CADPS: variants seen among roughly 807,000 people sequenced by gnomAD.
The protein encoded by CADPS is calcium-dependent secretion activator 1.
CADPS carries 57 observed loss-of-function variants against 167.3 expected under a neutral mutation model. The observed-to-expected ratio is 0.34, with a 90% CI of 0.28 to 0.42. The LOEUF (loss-of-function observed/expected upper bound fraction) is 0.42, where lower values mean the gene tolerates loss of function less well. Among genes scored for constraint, CADPS ranks in the 20% least tolerant of loss-of-function variants. CADPS has a pLI of 1.00. For synonymous variants in CADPS, 676 were observed against 635.3 expected (o/e 1.06, Z -0.96); for missense variants, 1,414 against 1,738.1 (o/e 0.81, Z 3.32).
intron 1 of CADPS, among the ~76,000 whole-genome samples, chr3:62,840,629 G>A (rs1167428979): frequency 2.6e-5 from 4 of 152,110 alleles, no homozygotes; most frequent in Non-Finnish European, 1.5e-5. Context: ...ACTTTCATAT[G>A]TACAGATGGG....
chr3:62,479,832 A>T (rs1214236932), intron 22 of CADPS, among the ~76,000 whole-genome samples: 1 of 152,212 alleles, frequency 6.6e-6, no homozygotes, highest in African/African-American at 2.4e-5. Flanking sequence ...AGCATTGTTC[A>T]AAAGTGGGGG....
At chr3:62,624,008 T>C (rs992292691) in intron 6 of CADPS, among the ~76,000 whole-genome samples, 1 of 151,994 alleles carries the variant, frequency 6.6e-6, no homozygotes, top group African/African-American at 2.4e-5. Context: ...TAGTTATAGA[T>C]TTCTTTCTTC....
intron 3 of CADPS, among the ~76,000 whole-genome samples, chr3:62,751,334 C>T (rs1224389060): frequency 6.6e-6 from 1 of 152,026 alleles, no homozygotes; most frequent in Non-Finnish European, 1.5e-5. Context: ...TGTTCTTTTG[C>T]CCTAATTTCT....
At chr3:62,547,424 C>A (rs1419966749) in intron 11 of CADPS, among the ~76,000 whole-genome samples, 2 of 152,074 alleles carry the variant, frequency 1.3e-5, no homozygotes, top group African/African-American at 4.8e-5. Context: ...GGGCCTCATG[C>A]TCTCTGAAGA....
At chr3:62,403,514 A>G (rs1707196936) in intron 28 of CADPS, 1 of 175,094 alleles carries the variant, frequency 5.7e-6, no homozygotes, top group South Asian at 1.7e-4. Flanking sequence ...TTAATTTTAC[A>G]CCATTTATAT....
chr3:62,452,258 A>G (rs1456695972), intron 26 of CADPS, among the ~76,000 whole-genome samples: 1 of 152,178 alleles, frequency 6.6e-6, no homozygotes, highest in Non-Finnish European at 1.5e-5. Context: ...TTTCTGCTGG[A>G]AAGTCAGGTT....
intron 17 of CADPS, among the ~76,000 whole-genome samples, chr3:62,505,395 GT>G (rs569924821): frequency 3.0e-4 from 45 of 152,204 alleles, no homozygotes; most frequent in African/African-American, 1.1e-3. Context: ...AAGGACTTAG[GT>G]GGTATAGCTT....
At chr3:62,713,395 C>T (rs2083789361) in intron 3 of CADPS, among the ~76,000 whole-genome samples, 1 of 152,198 alleles carries the variant, frequency 6.6e-6, no homozygotes, top group Non-Finnish European at 1.5e-5. Flanking sequence ...ATAAGACATG[C>T]CCACCAAGGC....
chr3:62,624,468 C>G (rs180792746), intron 6 of CADPS, among the ~76,000 whole-genome samples: 41 of 151,924 alleles, frequency 2.7e-4, no homozygotes, highest in Non-Finnish European at 5.0e-4. Flanking sequence ...TTGCAAAGAA[C>G]CATTTAAACT....
intron 3 of CADPS, among the ~76,000 whole-genome samples, chr3:62,665,523 T>G (rs1464270679): frequency 6.6e-6 from 1 of 152,236 alleles, no homozygotes; most frequent in Non-Finnish European, 1.5e-5. Context: ...CTGCATTATG[T>G]TGGCTTCATA....
intron 24 of CADPS, among the ~76,000 whole-genome samples, chr3:62,471,108 G>T (rs2060550800): frequency 6.6e-6 from 1 of 152,184 alleles, no homozygotes; most frequent in Non-Finnish European, 1.5e-5. Context: ...CCCAAAGGTT[G>T]TGTGTTGCAT....
chr3:62,679,470 G>A (rs1293489839), intron 3 of CADPS, among the ~76,000 whole-genome samples: 1 of 151,982 alleles, frequency 6.6e-6, no homozygotes, highest in Non-Finnish European at 1.5e-5. Context: ...CTTATGTGTG[G>A]TTGGAAGACA....
rs367786009 is a variant in CADPS, at chr3:62,721,946, A to G, written c.888+31495T>C. ...AAAACATGATGCTAATGACAACCAC[A>G]TAAGAACATCACCACAGTAATAGAA... On this transcript the variant is annotated intron_variant, in intron 3 of 29. Transcript: ENST00000383710. Among the ~76,000 whole-genome samples the G allele has an allele frequency of 7.4e-4, 113 of 152,314 alleles. 1 individual carries two copies. In the East Asian group the frequency reaches 0.013, roughly 17 times the overall value.
At chr3:62,499,447 CCATT>C (rs1157587440) in intron 17 of CADPS, 179 bp from the exon 18 acceptor site, 10 of 468,652 alleles carry the variant, frequency 2.1e-5, no homozygotes, top group African/African-American at 3.9e-5. Context: ...ATTATTATCA[CCATT>C]ATTATAATAT....
At position 62,689,097 on chromosome 3, in the gene CADPS, A is replaced by G. The variant is rs1580462657; in HGVS notation, c.889-26703T>C. Among the ~76,000 whole-genome samples the G allele has an allele frequency of 4.6e-5, 7 of 152,210 alleles. 1 individual carries two copies. Among genetic ancestry groups the G allele is most frequent in the Admixed American group, 4.6e-4 (7 of 15,290 alleles). On this transcript the variant is annotated intron_variant, in intron 3 of 29. Coordinates refer to ENST00000383710, the MANE Select transcript of CADPS (RefSeq NM_003716.4). ...AAGAGTTTTAGTGATATTTATTCGT[A>G]GAAAAATTTCTTAGTTCTAACAGTG...
intron 21 of CADPS, among the ~76,000 whole-genome samples, chr3:62,488,496 A>T (rs9867870): frequency 0.15 from 22,224 of 147,800 alleles, 1,994 homozygotes; most frequent in African/African-American, 0.24. Context: ...TTATTTATTT[A>T]TTATTATTAT....
chr3:62,506,312 C>T (rs544239687), intron 17 of CADPS, among the ~76,000 whole-genome samples: 123 of 152,152 alleles, frequency 8.1e-4, no homozygotes, highest in Non-Finnish European at 1.4e-3. Flanking sequence ...CTCTTGGACC[C>T]GGGAGGCGGA....
intron 2 of CADPS, among the ~76,000 whole-genome samples, chr3:62,765,211 A>G (rs2086538722): frequency 6.6e-6 from 1 of 152,214 alleles, no homozygotes; most frequent in African/African-American, 2.4e-5. Flanking sequence ...CTGAGATAGA[A>G]CACTTAACAA....
At chr3:62,505,301 A>G (rs1434729867) in intron 17 of CADPS, among the ~76,000 whole-genome samples, 2 of 152,220 alleles carry the variant, frequency 1.3e-5, no homozygotes, top group Non-Finnish European at 2.9e-5. Context: ...AGGTCAGTCT[A>G]AAGTATGTGT....
Sources: allele counts gnomAD v4.1 joint callset (sites outside exome capture counted in the v4.1 genomes callset), GRCh38; gene constraint gnomAD v4.1.1; transcripts MANE v1.5; gene names NCBI Gene and HGNC (gene_info 2026-07-23, HGNC 2026-07-21).